Variants in PABPC4 observed in about 807,000 individuals in gnomAD.
The protein encoded by PABPC4 is polyadenylate-binding protein 4.
PABPC4 carries 15 observed loss-of-function variants against 74.5 expected under a neutral mutation model. The ratio of observed to expected loss-of-function variants is 0.20; its 90% CI spans 0.13 to 0.31. The LOEUF (loss-of-function observed/expected upper bound fraction) is 0.31. Ranked by LOEUF, PABPC4 falls within the 10% of genes least tolerant of loss-of-function variation. The probability of loss-of-function intolerance (pLI) is 1.00; values close to 1 mark genes in which losing one functional copy is unlikely to be tolerated. For synonymous variants in PABPC4, 345 were observed against 303.0 expected, an observed-to-expected ratio of 1.14 and a Z score of -1.44; for missense variants, 610 against 853.5, an observed-to-expected ratio of 0.71 and a Z score of 3.55.
chr1:39,562,644 CAGAA>C (rs1407870442), intron 12 of PABPC4: 2 of 454,604 alleles, frequency 4.4e-6, no homozygotes, highest in African/African-American at 2.0e-5. Flanking sequence ...GGCATGCTAT[CAGAA>C]AGCGAAGTGA....
At position 39,575,945 on chromosome 1, in the gene PABPC4, C is replaced by G. The variant is rs1646019551; in HGVS notation, c.7G>C (p.Ala3Pro). The G allele has an allele frequency of 1.3e-6, 2 of 1,579,902 alleles. No individual in the cohort carries two copies. The highest frequency in any genetic ancestry group is 1.4e-5 in the African/African-American group (1 of 73,136). The change falls in exon 1 of 16, where the codon GCT (alanine) becomes CCT (proline). Residue 3 changes from alanine to proline, a missense_variant. Transcript: ENST00000372858. MNAAASSYPMASL... is the reference protein window; with the variant it reads MNPAASSYPMASL... ...GCCATGGGGTAGCTGCTGGCCGCAG[C>G]GTTCATCTCCCCGCCCCCCACCACC...
chr1:39,575,564 G>A (rs1041161488), intron 1 of PABPC4, among the ~76,000 whole-genome samples, 195 bp downstream of exon 1: 1 of 152,210 alleles, frequency 6.6e-6, no homozygotes, highest in African/African-American at 2.4e-5. Flanking sequence ...CACCCAGTTA[G>A]CAAGTGGTAG....
chr1:39,563,654 G>C lies in PABPC4; in HGVS notation c.1628C>G (p.Ser543Cys). 6.2e-7 allele frequency: 1 copy of C among 1,614,256 alleles called. No homozygotes were observed. Among genetic ancestry groups the C allele is most frequent in the Non-Finnish European group, 8.5e-7 (1 of 1,180,048 alleles). ...GGCAGGATGAGGGCTGCGGACACTG[G>C]AGGCGTATTTGTAGGGGGCAACAGC... Reference protein sequence around the residue: ...PRAVAPYKYASSVRSPHPAIQ... With the variant: ...PRAVAPYKYACSVRSPHPAIQ... The change falls in exon 12 of 16, where the codon TCC (serine) becomes TGC (cysteine). Residue 543 changes from serine to cysteine, a missense_variant. Physicochemically the swap from Ser to Cys is moderately radical, Grantham distance 112. This residue lies in a region of PABPC4 where 277 missense variants were observed against 301.8 expected (regional missense o/e 0.92). Coordinates refer to ENST00000372858, the MANE Select transcript of PABPC4 (RefSeq NM_001135653.2).
chr1:39,567,803 T>C lies in PABPC4; in HGVS notation c.920A>G (p.Asp307Gly), dbSNP rs1645871854. 1.2e-6 allele frequency: 2 copies of C among 1,601,616 alleles called. No individual in the cohort carries two copies. Among genetic ancestry groups the C allele is most frequent in the South Asian group, 1.1e-5 (1 of 90,788 alleles). Residue 307 changes from aspartate to glycine, a missense_variant, in exon 7 of 16, where the codon GAT becomes GGT. Around this residue, in one of 4 missense-constraint regions of PABPC4, gnomAD observed 304 missense variants for 478.9 expected, o/e 0.63. Transcript: ENST00000372858. ...AGAAAATTCTTTCCTTAATTTCTCATCATCAATAGTGTCATCCAAGTTCTT... is the reference window on the plus strand; with the variant it reads ...AGAAAATTCTTTCCTTAATTTCTCACCATCAATAGTGTCATCCAAGTTCTT... Reference protein sequence around the residue: ...YIKNLDDTIDDEKLRKEFSPF... With the variant: ...YIKNLDDTIDGEKLRKEFSPF...
intron 7 of PABPC4, among the ~76,000 whole-genome samples, chr1:39,567,077 A>G (rs1203485185): frequency 1.3e-5 from 2 of 152,064 alleles, no homozygotes; most frequent in African/African-American, 4.8e-5. Flanking sequence ...CATAACTCAA[A>G]ATGTTCAGAT....
intron 13 of PABPC4, 41 bp downstream of exon 13, chr1:39,562,282 C>G (rs1226549368): frequency 1.2e-6 from 2 of 1,610,270 alleles, no homozygotes; most frequent in South Asian, 1.1e-5. Context: ...TGGCATCAGG[C>G]TCTGGGACCC....
In PABPC4 at chr1:39,563,216, T is replaced by G. The variant is rs567854796; in HGVS notation, c.1668+398A>C. On this transcript the variant is annotated intron_variant, in intron 12 of 15. Transcript: ENST00000372858. ...TCACCTCCTACACACACTTTACATC[T>G]TTGAAGCTGAACATCCGATCTGTAA... is the stretch of plus-strand genomic sequence containing the variant. 3 of 199,728 alleles carry G rather than the reference T, an allele frequency of 1.5e-5. No individual in the cohort carries two copies. The South Asian group carries it at 2.8e-4, about 18-fold the overall frequency. 12.4% of individuals were successfully genotyped at this position (199,728 alleles called of 1,614,324 possible). A position where few individuals can be genotyped will look rare whatever the true frequency, so the allele number is the denominator to read the frequency against.
intron 7 of PABPC4, among the ~76,000 whole-genome samples, chr1:39,565,814 C>T (rs1345752921): frequency 4.0e-5 from 6 of 150,896 alleles, no homozygotes; most frequent in Non-Finnish European, 7.4e-5. Context: ...GGCGACAGAG[C>T]GAGACTCCAT....
Position 39,563,924 on chromosome 1 carries a change from T to C in PABPC4, c.1454-2A>G, listed in dbSNP as rs1248520436. 6.2e-7 allele frequency: 1 copy of C among 1,613,888 alleles called. No individual in the cohort carries two copies. Among genetic ancestry groups the C allele is most frequent in the African/African-American group, 1.3e-5 (1 of 74,930 alleles). ...CCAAGCGGTCCGGGCACTCAGACCCTACAACAGACCAGCAAATGCACATCA... is the reference window on the plus strand; with the variant it reads ...CCAAGCGGTCCGGGCACTCAGACCCCACAACAGACCAGCAAATGCACATCA... On this transcript the variant is annotated splice_acceptor_variant, in intron 10 of 15. Coordinates refer to ENST00000372858, the MANE Select transcript of PABPC4 (RefSeq NM_001135653.2). LOFTEE classifies it high-confidence loss of function.
At chr1:39,569,033 G>A in intron 5 of PABPC4, 94 bp from the exon 6 acceptor site, 3 of 1,346,500 alleles carry the variant, frequency 2.2e-6, no homozygotes, top group Non-Finnish European at 3.0e-6. Context: ...TCTACTATAG[G>A]ACTAAAAACT....
Position 39,563,850 on chromosome 1 carries a change from C to T in PABPC4, c.1526G>A (p.Ser509Asn), listed in dbSNP as rs751485484. ...TCCAATACCACCTCCAGACTGGCAGCTGTCAGTCAGCCCTTGCTGGGCGGC... is the reference window on the plus strand; with the variant it reads ...TCCAATACCACCTCCAGACTGGCAGTTGTCAGTCAGCCCTTGCTGGGCGGC... ...AGAAQQGLTD[S>N]CQSGGVPTAV... The change falls in exon 11 of 16, where the codon AGC becomes AAC. Residue 509 changes from serine to asparagine, a missense_variant. This residue lies in a region of PABPC4 where 277 missense variants were observed against 301.8 expected (regional missense o/e 0.92). Coordinates refer to ENST00000372858, the MANE Select transcript of PABPC4 (RefSeq NM_001135653.2). 6.2e-7 allele frequency: 1 copy of T among 1,614,236 alleles called. No individual in the cohort carries two copies. The highest frequency in any genetic ancestry group is 1.7e-5 in the Admixed American group (1 of 60,026).
Position 39,572,367 on chromosome 1 carries a change from G to A in PABPC4, c.387+26C>T, listed in dbSNP as rs769726391. 2.7e-6 allele frequency: 4 copies of A among 1,498,466 alleles called. No homozygotes were observed. In the East Asian group the frequency reaches 6.8e-5, roughly 25 times the overall value. 92.8% of individuals were successfully genotyped at this position (1,498,466 alleles called of 1,614,324 possible). A position where few individuals can be genotyped will look rare whatever the true frequency, so the allele number is the denominator to read the frequency against. ...TTTTCAAGAATCAATTAATTATTCTGCTAAAATCATTTAATCAATGTTTAC... is the reference window on the plus strand; with the variant it reads ...TTTTCAAGAATCAATTAATTATTCTACTAAAATCATTTAATCAATGTTTAC... On this transcript the variant is annotated intron_variant, in intron 2 of 15. Transcript: ENST00000372858.
Position 39,569,993 on chromosome 1 carries a change from G to A in PABPC4, c.513C>T (p.Gly171=), listed in dbSNP as rs1223704409. 6.2e-7 allele frequency: 1 copy of A among 1,613,444 alleles called. No individual in the cohort carries two copies. Among genetic ancestry groups the A allele is most frequent in the Non-Finnish European group, 8.5e-7 (1 of 1,179,806 alleles). The part of the protein sequence containing the change: ...MLLNDRKVFV[G]RFKSRKEREA... The stretch of plus-strand genomic sequence containing the variant: ...CCCGCTCTTTGCGAGACTTGAATCT[G>A]CCCACAAATCTAAAATGAAACCATG... The change falls in exon 4 of 16, where the codon GGC becomes GGT. Residue 171 remains glycine (G), a synonymous_variant. Coordinates refer to ENST00000372858, the MANE Select transcript of PABPC4 (RefSeq NM_001135653.2).
chr1:39,564,633 G>A, intron 9 of PABPC4, 53 bp downstream of exon 9: 1 of 1,607,406 alleles, frequency 6.2e-7, no homozygotes, highest in Non-Finnish European at 8.5e-7. Context: ...AAAGGCAGGG[G>A]AGACCAGGAC....
At chr1:39,567,185 T>A (rs1645859632) in intron 7 of PABPC4, among the ~76,000 whole-genome samples, 1 of 152,202 alleles carries the variant, frequency 6.6e-6, no homozygotes, top group African/African-American at 2.4e-5. Context: ...AAATTCCTTA[T>A]CTTTAAAATG....
At chr1:39,566,988 G>A (rs375984949) in intron 7 of PABPC4, among the ~76,000 whole-genome samples, 200 of 140,088 alleles carry the variant, frequency 1.4e-3, no homozygotes, top group Non-Finnish European at 1.8e-3. Context: ...ACCAGCCCAC[G>A]TGGCTTCCCT....
Position 39,572,386 on chromosome 1 carries a change from T to TG in PABPC4, c.387+6dup. On this transcript the variant is annotated splice_region_variant and intron_variant, in intron 2 of 15. Coordinates refer to ENST00000372858, the MANE Select transcript of PABPC4 (RefSeq NM_001135653.2). ...TATTCTGCTAAAATCATTTAATCAA[T>TG]GTTTACCTTGCAGGACAGTATGTTT... is the stretch of plus-strand genomic sequence containing the variant. 1.3e-6 allele frequency: 2 copies of TG among 1,580,552 alleles called. No homozygotes were observed. Among genetic ancestry groups the TG allele is most frequent in the Non-Finnish European group, 1.7e-6 (2 of 1,151,364 alleles).
At position 39,562,581 on chromosome 1, in the gene PABPC4, G is replaced by A. The variant is rs112239550; in HGVS notation, c.1669-165C>T. 1.7e-3 allele frequency: 1,007 copies of A among 587,620 alleles called. 9 individuals carry two copies. Among genetic ancestry groups the A allele is most frequent in the African/African-American group, 0.016 (855 of 53,938 alleles). The allele number at this position is 587,620 out of a possible 1,614,324, so 36.4% of individuals were successfully genotyped here. Reference sequence around the variant, plus strand: ...TTCAGTCCTTGAAGGATTGAGGGGTGTGTTGAGGAACAGAGTGGTATGGAC... The same window carrying A: ...TTCAGTCCTTGAAGGATTGAGGGGTATGTTGAGGAACAGAGTGGTATGGAC... On this transcript the variant is annotated intron_variant, in intron 12 of 15. Transcript: ENST00000372858.
At chr1:39,573,797 C>T (rs572973865) in intron 1 of PABPC4, among the ~76,000 whole-genome samples, 1 of 152,278 alleles carries the variant, frequency 6.6e-6, no homozygotes, top group Non-Finnish European at 1.5e-5. Flanking sequence ...CCAGCCTGGG[C>T]AGCAAGAGTG....
Sources: gnomAD v4.1 joint callset for allele counts (sites outside exome capture counted in the v4.1 genomes callset) on GRCh38, gnomAD v4.1.1 for gene constraint, gnomAD v4.1.1 regional missense constraint, MANE v1.5 for transcripts, NCBI Gene and HGNC (gene_info 2026-07-23, HGNC 2026-07-21) for gene names.